Variants in WWOX observed in about 807,000 individuals in gnomAD.
WWOX encodes the protein WW domain containing oxidoreductase, also known as WW domain-containing oxidoreductase.
In WWOX, 69 loss-of-function variants were observed where a neutral mutation model predicts 46.2. The observed-to-expected ratio is 1.49, with a 90% CI of 1.23 to 1.82. The LOEUF (loss-of-function observed/expected upper bound fraction) is 1.82, where lower values mean the gene tolerates loss of function less well. Ranked by LOEUF, WWOX falls within the 40% of genes most tolerant of loss-of-function variation. The pLI is 0.00. For missense variants in WWOX, 919 were observed against 542.6 expected (o/e 1.69, Z -6.89); for synonymous variants, 359 against 202.6 (o/e 1.77, Z -6.56).
At chr16:78,408,921 G>C (rs1408947500) in intron 6 of WWOX, among the ~76,000 whole-genome samples, 1 of 149,054 alleles carries the variant, frequency 6.7e-6, no homozygotes, top group African/African-American at 2.6e-5. Context: ...GGAACAGAAA[G>C]TACTGTGATT....
intron 1 of WWOX, 127 bp downstream of exon 1, chr16:78,100,012 G>T (rs1567567643): frequency 2.0e-6 from 3 of 1,477,424 alleles, no homozygotes; most frequent in Non-Finnish European, 2.7e-6. Flanking sequence ...AACTGTTAAG[G>T]AGCTTCAGGG....
At chr16:79,093,513 T>G (rs1469417473) in intron 8 of WWOX, among the ~76,000 whole-genome samples, 1 of 152,058 alleles carries the variant, frequency 6.6e-6, no homozygotes, top group African/African-American at 2.4e-5. Context: ...TTTTATTAAA[T>G]GAAAAAGAGT....
chr16:79,048,034 C>G (rs2048098113), intron 8 of WWOX, among the ~76,000 whole-genome samples: 1 of 152,150 alleles, frequency 6.6e-6, no homozygotes, highest in Non-Finnish European at 1.5e-5. Flanking sequence ...AGACTGGCAT[C>G]CCTCTGCTCC....
chr16:78,790,572 G>A (rs970525351), intron 8 of WWOX, among the ~76,000 whole-genome samples: 1 of 152,188 alleles, frequency 6.6e-6, no homozygotes, highest in Admixed American at 6.5e-5. Flanking sequence ...TAACATGGAG[G>A]AGATAAGCAG....
chr16:78,693,486 C>T (rs2048033947), intron 8 of WWOX, among the ~76,000 whole-genome samples: 1 of 152,110 alleles, frequency 6.6e-6, no homozygotes, highest in Admixed American at 6.5e-5. Flanking sequence ...AATCCCTAAC[C>T]ATGATAATAC....
chr16:78,227,412 A>G (rs1477550098), intron 5 of WWOX, among the ~76,000 whole-genome samples: 1 of 152,218 alleles, frequency 6.6e-6, no homozygotes, highest in Non-Finnish European at 1.5e-5. Flanking sequence ...GACCGAGGGA[A>G]TAAAGAATGT....
At chr16:78,608,493 C>T (rs955510468) in intron 8 of WWOX, among the ~76,000 whole-genome samples, 1 of 152,188 alleles carries the variant, frequency 6.6e-6, no homozygotes, top group Admixed American at 6.5e-5. Flanking sequence ...TTTTCCCTTT[C>T]AGCAGGGAAA....
chr16:78,535,956 T>C (rs987381297), intron 8 of WWOX, among the ~76,000 whole-genome samples: 1 of 152,188 alleles, frequency 6.6e-6, no homozygotes, highest in Non-Finnish European at 1.5e-5. Flanking sequence ...ATTCGTTGCA[T>C]AGCACCTGAT....
intron 8 of WWOX, among the ~76,000 whole-genome samples, chr16:78,844,727 A>T (rs566014116): frequency 6.6e-6 from 1 of 152,370 alleles, no homozygotes; most frequent in Admixed American, 6.5e-5. Context: ...TGTCTGCCTT[A>T]CAAGATGCGT....
rs373269952 is a variant in WWOX, at chr16:78,827,795, G to T, written c.1057-383813G>T. Reference sequence around the variant, plus strand: ...GGCAGCGGTTGCAGTGAGCCGAGATGGCGCCACTGCACTCTAGCCTGGGCG... The same window carrying T: ...GGCAGCGGTTGCAGTGAGCCGAGATTGCGCCACTGCACTCTAGCCTGGGCG... On this transcript the variant is annotated intron_variant, in intron 8 of 8. Transcript: ENST00000566780. Among the ~76,000 whole-genome samples, 42 of 152,252 alleles carry T rather than the reference G, an allele frequency of 2.8e-4. No homozygotes were observed. In the East Asian group the frequency reaches 4.8e-3, roughly 18 times the overall value.
At chr16:78,718,997 G>A (rs1036115136) in intron 8 of WWOX, among the ~76,000 whole-genome samples, 1 of 152,078 alleles carries the variant, frequency 6.6e-6, no homozygotes, top group African/African-American at 2.4e-5. Context: ...AAGATCCCAG[G>A]CACTCTTGGT....
intron 8 of WWOX, among the ~76,000 whole-genome samples, chr16:78,512,845 G>T (rs1168819260): frequency 6.6e-6 from 1 of 152,170 alleles, no homozygotes; most frequent in African/African-American, 2.4e-5. Flanking sequence ...CTTTGCTTCC[G>T]AATGCAGCCC....
intron 8 of WWOX, among the ~76,000 whole-genome samples, chr16:78,841,957 C>G (rs1041586421): frequency 3.3e-5 from 5 of 151,980 alleles, no homozygotes; most frequent in African/African-American, 1.2e-4. Flanking sequence ...AGCTGGCAGA[C>G]GTGTGGGACA....
At chr16:79,154,971 A>C (rs2050352449) in intron 8 of WWOX, among the ~76,000 whole-genome samples, 1 of 152,210 alleles carries the variant, frequency 6.6e-6, no homozygotes, top group African/African-American at 2.4e-5. Context: ...TTTTCAGTGG[A>C]ATTAGGGTCA....
intron 8 of WWOX, among the ~76,000 whole-genome samples, chr16:78,523,828 C>G (rs901738414): frequency 1.9e-4 from 29 of 152,308 alleles, no homozygotes; most frequent in African/African-American, 6.5e-4. Context: ...TTAGGAGGCC[C>G]AGGCTCTCAG....
chr16:79,079,939 C>G (rs185068472), intron 8 of WWOX, among the ~76,000 whole-genome samples: 1 of 113,520 alleles, frequency 8.8e-6, no homozygotes, highest in East Asian at 2.1e-4. Flanking sequence ...TCCTTCCACC[C>G]CCTGGGATGC....
chr16:78,396,428 G>T (rs1167337506), intron 6 of WWOX, among the ~76,000 whole-genome samples: 1 of 152,120 alleles, frequency 6.6e-6, no homozygotes, highest in Non-Finnish European at 1.5e-5. Flanking sequence ...TTTCCCAACA[G>T]AATCCTAGGT....
intron 8 of WWOX, among the ~76,000 whole-genome samples, chr16:78,589,742 T>G (rs2045306957): frequency 6.6e-6 from 1 of 152,226 alleles, no homozygotes; most frequent in Non-Finnish European, 1.5e-5. Context: ...ACTGTTTACC[T>G]TCTTTTGGTT....
intron 5 of WWOX, among the ~76,000 whole-genome samples, chr16:78,343,079 T>C (rs1201651692): frequency 8.2e-6 from 1 of 121,284 alleles, no homozygotes; most frequent in East Asian, 1.9e-4. Context: ...CCCACTGCCA[T>C]GTTGGCTTGT....
Sources: gnomAD v4.1 joint callset for allele counts (sites outside exome capture counted in the v4.1 genomes callset) on GRCh38, gnomAD v4.1.1 for gene constraint, MANE v1.5 for transcripts, NCBI Gene and HGNC (gene_info 2026-07-23, HGNC 2026-07-21) for gene names.